BCR: variants seen among roughly 807,000 people sequenced by gnomAD.
BCR encodes the protein BCR activator of RhoGEF and GTPase, also known as breakpoint cluster region protein.
Under a neutral mutation model 138.6 loss-of-function variants are expected in BCR, and 58 were observed. The observed-to-expected ratio is 0.42, with a 90% CI of 0.34 to 0.52. The LOEUF is 0.52. BCR is among the 20% of genes least tolerant of loss of function. The pLI is 0.06. For missense variants in BCR, 1,599 were observed against 1,727.2 expected (o/e 0.93, Z 1.32); for synonymous variants, 786 against 730.1 (o/e 1.08, Z -1.23).
chr22:23,275,466 C>T (rs1206525160), intron 8 of BCR, among the ~76,000 whole-genome samples: 1 of 152,228 alleles, frequency 6.6e-6, no homozygotes, highest in Admixed American at 6.5e-5. Flanking sequence ...TTGGCAGTCT[C>T]TGAGCGCATT....
chr22:23,268,521 G>T lies in BCR; in HGVS notation c.1860+6G>T, dbSNP rs1207513140. On this transcript the variant is annotated splice_donor_region_variant and intron_variant, in intron 5 of 22. Transcript: ENST00000305877. The stretch of plus-strand genomic sequence containing the variant: ...AGTTTGCAGAAATCTCCGAGGTAAT[G>T]CCTTGATGCCGTTCAGACAGGTGCA... 1.2e-6 allele frequency: 2 copies of T among 1,610,794 alleles called. No homozygotes were observed. The highest frequency in any genetic ancestry group is 4.5e-5 in the East Asian group (2 of 44,852).
At chr22:23,280,540 G>A (rs555003790) in intron 8 of BCR, among the ~76,000 whole-genome samples, 6 of 152,188 alleles carry the variant, frequency 3.9e-5, no homozygotes, top group Non-Finnish European at 5.9e-5. Context: ...CCTGCAGGTC[G>A]CAGTTTCATT....
At chr22:23,257,421 C>T (rs989182513) in intron 2 of BCR, among the ~76,000 whole-genome samples, 6 of 152,242 alleles carry the variant, frequency 3.9e-5, no homozygotes, top group Non-Finnish European at 7.3e-5. Context: ...GCATCTCACA[C>T]TGGGTGGGGC....
In BCR at chr22:23,263,259, G is replaced by A. The variant is rs376154946; in HGVS notation, c.1752+1719G>A. ...GCTGCTGCACATGTGCTCCTACCTC[G>A]ACATGCGGGCCCTCGGCCGCCTGGC... On this transcript the variant is annotated intron_variant, in intron 4 of 22. Transcript: ENST00000305877. The A allele has an allele frequency of 4.2e-3, 4,557 of 1,081,040 alleles. 21 individuals are homozygous for A. The highest frequency in any genetic ancestry group is 5.5e-3 in the Non-Finnish European group (4,079 of 735,542). The allele number at this position is 1,081,040 out of a possible 1,614,324, so 67.0% of individuals were successfully genotyped here.
chr22:23,256,710 T>G (rs767940446), intron 2 of BCR, among the ~76,000 whole-genome samples: 2 of 152,160 alleles, frequency 1.3e-5, no homozygotes, highest in Non-Finnish European at 2.9e-5. Context: ...GAGGAGGGAC[T>G]AGAAGGGGCC....
intron 1 of BCR, among the ~76,000 whole-genome samples, chr22:23,197,484 T>G (rs2072498113): frequency 6.6e-6 from 1 of 152,226 alleles, no homozygotes; most frequent in Non-Finnish European, 1.5e-5. Context: ...CCAAATAGTT[T>G]CATTCTGAGG....
chr22:23,190,406 G>C (rs1394942553), intron 1 of BCR, among the ~76,000 whole-genome samples: 3 of 152,096 alleles, frequency 2.0e-5, no homozygotes, highest in Non-Finnish European at 4.4e-5. Context: ...GACCTTAGGT[G>C]ATCCGCCCTC....
At position 23,281,731 on chromosome 22, in the gene BCR, C is replaced by T. The variant is rs576703149; in HGVS notation, c.2116-2246C>T. Among the ~76,000 whole-genome samples, 28 of 152,296 alleles carry T rather than the reference C, an allele frequency of 1.8e-4. 1 individual carries two copies. The East Asian group carries it at 4.1e-3, about 22-fold the overall frequency. Reference sequence around the variant, plus strand: ...ATCAAAAGAGTAGCCCAGAAACCGCCGAGTCCACTGTTCGAGCCTCCCGGG... The same window carrying T: ...ATCAAAAGAGTAGCCCAGAAACCGCTGAGTCCACTGTTCGAGCCTCCCGGG... On this transcript the variant is annotated intron_variant, in intron 8 of 22. Transcript: ENST00000305877.
intron 1 of BCR, among the ~76,000 whole-genome samples, chr22:23,194,924 GA>G (rs2146203679): frequency 6.6e-6 from 1 of 152,172 alleles, no homozygotes; most frequent in Non-Finnish European, 1.5e-5. Flanking sequence ...CAGCCTGGGC[GA>G]CAGAGCAAGC....
chr22:23,207,933 G>T (rs78057428), intron 1 of BCR, among the ~76,000 whole-genome samples: 10,349 of 152,218 alleles, frequency 0.068, 1,182 homozygotes, highest in African/African-American at 0.23. Flanking sequence ...TGTGACACCT[G>T]ATGGCCTATG....
intron 1 of BCR, among the ~76,000 whole-genome samples, chr22:23,214,818 C>T (rs975410789): frequency 2.0e-5 from 3 of 152,174 alleles, no homozygotes; most frequent in Admixed American, 6.5e-5. Context: ...TTATGATGAA[C>T]TATACATAAT....
chr22:23,291,915 T>A (rs1234263178), intron 14 of BCR, among the ~76,000 whole-genome samples: 2 of 152,132 alleles, frequency 1.3e-5, no homozygotes, highest in Non-Finnish European at 2.9e-5. Context: ...GGGTCCCCAC[T>A]ACCAGGCCTC....
intron 1 of BCR, among the ~76,000 whole-genome samples, chr22:23,215,623 C>T (rs187090499): frequency 8.2e-4 from 125 of 152,312 alleles, no homozygotes; most frequent in East Asian, 6.6e-3. Flanking sequence ...ATTCCATCTG[C>T]TGATGGGGAC....
At chr22:23,186,477 C>T (rs910850230) in intron 1 of BCR, among the ~76,000 whole-genome samples, 2 of 152,132 alleles carry the variant, frequency 1.3e-5, no homozygotes, top group African/African-American at 2.4e-5. Context: ...GTTGTACGAC[C>T]ATCACTACTG....
intron 1 of BCR, among the ~76,000 whole-genome samples, chr22:23,184,796 G>A (rs1569235600): frequency 1.3e-5 from 2 of 152,140 alleles, no homozygotes; most frequent in African/African-American, 4.8e-5. Context: ...TCCATGTATG[G>A]CAGGCATGGA....
At chr22:23,238,836 G>T (rs955922438) in intron 1 of BCR, among the ~76,000 whole-genome samples, 1 of 151,342 alleles carries the variant, frequency 6.6e-6, no homozygotes, top group Non-Finnish European at 1.5e-5. Context: ...AACACGAGTG[G>T]TTTTTGTGTG....
chr22:23,222,240 A>C (rs1375473191), intron 1 of BCR, among the ~76,000 whole-genome samples: 1 of 152,240 alleles, frequency 6.6e-6, no homozygotes, highest in Non-Finnish European at 1.5e-5. Context: ...GCCAGCACGT[A>C]GTAGGTGCTC....
intron 1 of BCR, among the ~76,000 whole-genome samples, chr22:23,217,443 T>A (rs1213526070): frequency 6.6e-6 from 1 of 152,158 alleles, no homozygotes; most frequent in Non-Finnish European, 1.5e-5. Context: ...CTGACCTTGA[T>A]GGAGTGGATA....
chr22:23,270,278 A>G (rs1305010954), intron 5 of BCR, among the ~76,000 whole-genome samples: 2 of 152,156 alleles, frequency 1.3e-5, no homozygotes, highest in South Asian at 2.1e-4. Flanking sequence ...ATCTGGTTCC[A>G]TGGAACACCA....
Sources: allele counts gnomAD v4.1 joint callset (sites outside exome capture counted in the v4.1 genomes callset), GRCh38; gene constraint gnomAD v4.1.1; transcripts MANE v1.5; gene names NCBI Gene and HGNC (gene_info 2026-07-23, HGNC 2026-07-21).